Variants in GPHN observed in about 807,000 individuals in gnomAD.
GPHN encodes gephyrin.
GPHN carries 17 observed loss-of-function variants against 95.5 expected under a neutral mutation model. That is an observed-to-expected ratio of 0.18 (90% CI 0.12 to 0.27). The LOEUF is 0.27. Among genes scored for constraint, GPHN ranks in the 10% least tolerant of loss-of-function variants. The pLI, the probability that GPHN is intolerant of heterozygous loss-of-function variation, is 1.00. For missense variants in GPHN, 660 were observed against 978.1 expected (o/e 0.67, Z 4.34); for synonymous variants, 320 against 322.5 (o/e 0.99, Z 0.08).
intron 9 of GPHN, among the ~76,000 whole-genome samples, chr14:66,968,468 A>G (rs1484272114): frequency 6.6e-6 from 1 of 152,088 alleles, no homozygotes; most frequent in Non-Finnish European, 1.5e-5. Context: ...ATCCCATAGA[A>G]ATCCTTTCTA....
At chr14:66,534,787 G>C (rs1238868601) in intron 1 of GPHN, among the ~76,000 whole-genome samples, 1 of 152,036 alleles carries the variant, frequency 6.6e-6, no homozygotes, top group Non-Finnish European at 1.5e-5. Flanking sequence ...GGCAAATAAT[G>C]ATGGTGATCA....
At chr14:67,582,510 C>T in the GPHN span, among the ~76,000 whole-genome samples, 1 of 152,158 alleles carries the variant, frequency 6.6e-6, no homozygotes, top group African/African-American at 2.4e-5. The surrounding 1 kb of genome is among the most constrained non-coding windows in gnomAD (Gnocchi z 5.0). Flanking sequence ...TAGTTTCCTT[C>T]TCAGTATACC....
intron 1 of GPHN, among the ~76,000 whole-genome samples, chr14:66,634,738 G>C (rs1433148665): frequency 6.6e-6 from 1 of 152,206 alleles, no homozygotes; most frequent in Non-Finnish European, 1.5e-5. Flanking sequence ...ACAGGAACCA[G>C]CTATAAGATT....
At chr14:66,676,969 A>G (rs748041573) in intron 1 of GPHN, among the ~76,000 whole-genome samples, 38 of 151,906 alleles carry the variant, frequency 2.5e-4, no homozygotes, top group Non-Finnish European at 5.4e-4. Context: ...CTCGTTACTC[A>G]TTATTGATCT....
intron 1 of GPHN, among the ~76,000 whole-genome samples, chr14:66,514,986 T>C (rs906444615): frequency 5.9e-5 from 9 of 152,074 alleles, no homozygotes; most frequent in Admixed American, 5.2e-4. Flanking sequence ...CTCTCTGAAT[T>C]TCAGTTTTCT....
Position 67,058,710 on chromosome 14 carries a change from G to A in GPHN, c.1068G>A (p.Leu356=). The change falls in exon 11 of 23, where the codon CTG becomes CTA. Residue 356 remains leucine, a synonymous_variant. Transcript: ENST00000478722. Reference sequence around the variant, plus strand: ...GACATCGCATGTCTCCTTTTCCTCTGACATCTATGGACAAAGCCTTTATCA... The same window carrying A: ...GACATCGCATGTCTCCTTTTCCTCTAACATCTATGGACAAAGCCTTTATCA... ...ARRHRMSPFP[L]TSMDKAFITV... is the part of the protein sequence containing the mutation. 1 of 1,613,176 alleles carries A rather than the reference G, an allele frequency of 6.2e-7. No homozygotes were observed. Among genetic ancestry groups the A allele is most frequent in the South Asian group, 1.1e-5 (1 of 91,056 alleles).
the GPHN span, among the ~76,000 whole-genome samples, chr14:67,342,219 AAAAT>A: frequency 1.1e-5 from 1 of 94,256 alleles, no homozygotes; most frequent in African/African-American, 6.1e-5. Context: ...TAAATAAAAT[AAAAT>A]AAAAAAAAAC....
chr14:67,681,701 G>C, the GPHN span, among the ~76,000 whole-genome samples: 2 of 152,166 alleles, frequency 1.3e-5, no homozygotes, highest in East Asian at 3.8e-4. Context: ...AGAATTGCTT[G>C]AACCCAGGAG....
downstream of GPHN, among the ~76,000 whole-genome samples, chr14:67,183,441 A>G (rs2083350399): frequency 6.6e-6 from 1 of 152,254 alleles, no homozygotes; most frequent in Non-Finnish European, 1.5e-5. Context: ...TGTATTATAG[A>G]TGAGGATACT....
At chr14:67,708,432 T>C in the GPHN span, among the ~76,000 whole-genome samples, 1 of 152,066 alleles carries the variant, frequency 6.6e-6, no homozygotes, top group East Asian at 1.9e-4. Flanking sequence ...CCTGTTAGAG[T>C]TCTATAGCTG....
At chr14:66,876,511 T>A (rs2063671177) in intron 4 of GPHN, among the ~76,000 whole-genome samples, 1 of 151,326 alleles carries the variant, frequency 6.6e-6, no homozygotes. Context: ...GCCAGACTAA[T>A]GAAGAAAAGA....
chr14:67,659,631 A>G, the GPHN span: 4 of 1,215,008 alleles, frequency 3.3e-6, no homozygotes, highest in Non-Finnish European at 4.5e-6. Context: ...ACAAGAGTCT[A>G]GTATACACTG....
At chr14:67,198,571 A>G in the GPHN span, among the ~76,000 whole-genome samples, 3 of 152,212 alleles carry the variant, frequency 2.0e-5, no homozygotes, top group Non-Finnish European at 4.4e-5. Context: ...TTCCATCATA[A>G]TCTTCCCAAA....
At chr14:67,725,494 G>A in the GPHN span, among the ~76,000 whole-genome samples, 6 of 152,172 alleles carry the variant, frequency 3.9e-5, no homozygotes, top group Non-Finnish European at 5.9e-5. Flanking sequence ...TCCCTGTCTG[G>A]GCTTGCACCT....
intron 1 of GPHN, among the ~76,000 whole-genome samples, chr14:66,531,041 C>T (rs139533099): frequency 0.15 from 22,583 of 149,244 alleles, 2,119 homozygotes; most frequent in Non-Finnish European, 0.21. Flanking sequence ...CTGCAGCCTC[C>T]GCCTCCCAGG....
At chr14:66,915,263 G>T (rs931350366) in intron 5 of GPHN, among the ~76,000 whole-genome samples, 2 of 152,032 alleles carry the variant, frequency 1.3e-5, no homozygotes, top group Non-Finnish European at 2.9e-5. Flanking sequence ...TAATCTCTTT[G>T]TTTTCAAATT....
chr14:66,514,853 C>T (rs1321878913), intron 1 of GPHN, among the ~76,000 whole-genome samples: 1 of 152,000 alleles, frequency 6.6e-6, no homozygotes, highest in African/African-American at 2.4e-5. Context: ...TAAATGTTGT[C>T]TATACCCTGT....
At chr14:67,589,609 G>A in the GPHN span, 1 of 986,122 alleles carries the variant, frequency 1.0e-6, no homozygotes. Context: ...GCACTAGGTT[G>A]ACAGACTCGT....
the GPHN span, among the ~76,000 whole-genome samples, chr14:67,418,148 T>A: frequency 2.0e-5 from 3 of 152,236 alleles, no homozygotes. Flanking sequence ...TAATTGATTC[T>A]CAAAATCGCC....
Sources: allele counts gnomAD v4.1 joint callset (sites outside exome capture counted in the v4.1 genomes callset), GRCh38; gene constraint gnomAD v4.1.1; non-coding constraint Gnocchi (gnomAD v3.1); transcripts MANE v1.5; gene names NCBI Gene and HGNC (gene_info 2026-07-23, HGNC 2026-07-21).